R3HDM1: variants seen among roughly 807,000 people sequenced by gnomAD.
R3HDM1 encodes R3H domain-containing protein 1.
A neutral mutation model predicts 141.1 loss-of-function variants in R3HDM1; 46 were observed. That is an observed-to-expected ratio of 0.33 (90% CI 0.26 to 0.42). The LOEUF (loss-of-function observed/expected upper bound fraction) is 0.42. R3HDM1 is among the 10% of genes least tolerant of loss of function. R3HDM1 has a pLI of 1.00. For synonymous variants in R3HDM1, 435 were observed against 472.9 expected (o/e 0.92, Z 1.04); for missense variants, 1,184 against 1,368.3 (o/e 0.87, Z 2.12).
intron 3 of R3HDM1, among the ~76,000 whole-genome samples, chr2:135,614,255 C>A (rs902806744): frequency 1.3e-5 from 2 of 152,160 alleles, no homozygotes; most frequent in African/African-American, 4.8e-5. Flanking sequence ...TGAATATTCT[C>A]AAGCATTACG....
At chr2:135,668,723 A>C (rs1038698219) in intron 19 of R3HDM1, among the ~76,000 whole-genome samples, 3 of 152,232 alleles carry the variant, frequency 2.0e-5, no homozygotes, top group African/African-American at 7.2e-5. Context: ...CTCCTTGCAC[A>C]AAATGTGTCC....
chr2:135,617,137 C>T lies in R3HDM1; in HGVS notation c.303+380C>T, dbSNP rs1040678445. Among the ~76,000 whole-genome samples, 26 of 152,188 alleles carry T rather than the reference C, an allele frequency of 1.7e-4. No individual in the cohort carries two copies. The East Asian group carries it at 4.8e-3, about 28-fold the overall frequency. On this transcript the variant is annotated intron_variant, in intron 5 of 26. Transcript: ENST00000683871. ...AGGAGATCGAGACCATCCTGGCTAACACGGTGAAACCCCATCTCTACTAAA... is the reference window on the plus strand; with the variant it reads ...AGGAGATCGAGACCATCCTGGCTAATACGGTGAAACCCCATCTCTACTAAA...
intron 24 of R3HDM1, among the ~76,000 whole-genome samples, chr2:135,720,634 C>T (rs1049282465): frequency 1.3e-5 from 2 of 152,072 alleles, no homozygotes; most frequent in Non-Finnish European, 2.9e-5. Flanking sequence ...GGAATACTTA[C>T]GAATAATGAC....
chr2:135,610,689 A>G (rs2060458435), intron 3 of R3HDM1, among the ~76,000 whole-genome samples: 1 of 152,260 alleles, frequency 6.6e-6, no homozygotes, highest in African/African-American at 2.4e-5. Flanking sequence ...AGTATTGATG[A>G]AACAATTAAC....
At chr2:135,563,370 T>C (rs1438465105) in intron 1 of R3HDM1, among the ~76,000 whole-genome samples, 5 of 152,346 alleles carry the variant, frequency 3.3e-5, no homozygotes, top group South Asian at 2.1e-4. Flanking sequence ...TGTGTACATA[T>C]CTTGTTCCAT....
chr2:135,575,481 C>T lies in R3HDM1; in HGVS notation c.-249-27019C>T, dbSNP rs548606923. 2.2e-4 allele frequency among the ~76,000 whole-genome samples: 33 copies of T among 152,280 alleles called. No individual in the cohort carries two copies. In the South Asian group the frequency reaches 5.8e-3, roughly 27 times the overall value. Reference sequence around the variant, plus strand: ...ACAGGCGTGAGCCAACATGCCCGGCCCAACCCAAACATTTTTGATAAGGGA... The same window carrying T: ...ACAGGCGTGAGCCAACATGCCCGGCTCAACCCAAACATTTTTGATAAGGGA... On this transcript the variant is annotated intron_variant, in intron 1 of 26. Transcript: ENST00000683871.
intron 19 of R3HDM1, chr2:135,670,214 A>G (rs2068137494): frequency 1.7e-6 from 1 of 600,208 alleles, no homozygotes; most frequent in East Asian, 1.4e-4. Context: ...TATATTTTAA[A>G]TGAAAATTTA....
chr2:135,632,102 T>C, intron 9 of R3HDM1, 101 bp downstream of exon 9: 1 of 1,033,810 alleles, frequency 9.7e-7, no homozygotes, highest in Non-Finnish European at 1.3e-6. Flanking sequence ...GTTTTAACAG[T>C]CTAATTAAGT....
chr2:135,539,239 A>G (rs1279170175), intron 1 of R3HDM1, among the ~76,000 whole-genome samples: 2 of 152,206 alleles, frequency 1.3e-5, no homozygotes, highest in Non-Finnish European at 2.9e-5. Context: ...TAGTAAATGC[A>G]TAAATCAGTA....
At chr2:135,723,805 A>AAAAAAG (rs2076941428) in intron 26 of R3HDM1, 132 bp from the exon 27 acceptor site, 1 of 403,944 alleles carries the variant, frequency 2.5e-6, no homozygotes, top group East Asian at 4.7e-5. Context: ...AAAAAAAAAA[A>AAAAAAG]GATGGCCCTA....
At chr2:135,623,586 T>C (rs1395227537) in intron 7 of R3HDM1, among the ~76,000 whole-genome samples, 1 of 152,182 alleles carries the variant, frequency 6.6e-6, no homozygotes, top group African/African-American at 2.4e-5. Flanking sequence ...GTGGTCTCTA[T>C]AATAGGAGCT....
intron 1 of R3HDM1, among the ~76,000 whole-genome samples, chr2:135,572,794 G>T (rs540563729): frequency 6.6e-6 from 1 of 152,340 alleles, no homozygotes; most frequent in Admixed American, 6.5e-5. Flanking sequence ...AACAAAATGT[G>T]TATCCATGAA....
In R3HDM1 at chr2:135,641,524, C is replaced by T. The variant is rs1202274684; in HGVS notation, c.1220-12C>T. On this transcript the variant is annotated splice_polypyrimidine_tract_variant and intron_variant, in intron 14 of 26. Transcript: ENST00000683871. ...TTTAAAAAATCCATATTTTTCATTA[C>T]TCCTCTTCTAGGTTCTGAGTCTTCT... 2.5e-6 allele frequency: 4 copies of T among 1,578,774 alleles called. No individual in the cohort carries two copies. Among genetic ancestry groups the T allele is most frequent in the Admixed American group, 2.0e-5 (1 of 49,590 alleles).
intron 5 of R3HDM1, 114 bp from the exon 6 acceptor site, chr2:135,621,380 G>T: frequency 1.8e-6 from 1 of 553,074 alleles, no homozygotes; most frequent in African/African-American, 1.9e-5. Flanking sequence ...ATCCAGTTGG[G>T]TAAAATAATC....
chr2:135,673,483 T>C (rs2068706803), intron 19 of R3HDM1, among the ~76,000 whole-genome samples: 2 of 152,244 alleles, frequency 1.3e-5, no homozygotes, highest in African/African-American at 4.8e-5. Flanking sequence ...AAATTTGAAA[T>C]ACTTGTCATT....
chr2:135,541,223 CAG>C (rs1376119801), intron 1 of R3HDM1, among the ~76,000 whole-genome samples: 7 of 151,606 alleles, frequency 4.6e-5, no homozygotes, highest in Non-Finnish European at 7.4e-5. Context: ...TTTTTGGAGA[CAG>C]AGTCTTGCTC....
intron 1 of R3HDM1, among the ~76,000 whole-genome samples, chr2:135,533,607 G>A (rs1457326152): frequency 2.0e-5 from 3 of 152,230 alleles, no homozygotes; most frequent in South Asian, 2.1e-4. Context: ...GTGGCCGGGC[G>A]CGTTGGCGCA....
intron 21 of R3HDM1, among the ~76,000 whole-genome samples, chr2:135,684,851 C>G (rs565865110): frequency 7.2e-5 from 11 of 151,936 alleles, no homozygotes; most frequent in Non-Finnish European, 1.0e-4. Context: ...CAACCTTCTC[C>G]TACCAGGCTC....
intron 24 of R3HDM1, among the ~76,000 whole-genome samples, chr2:135,716,091 C>T (rs2076131610): frequency 1.3e-5 from 2 of 152,162 alleles, no homozygotes; most frequent in Admixed American, 6.6e-5. Flanking sequence ...CTTTGGGAGG[C>T]CAATGCGGAA....
Sources: gnomAD v4.1 joint callset for allele counts (sites outside exome capture counted in the v4.1 genomes callset) on GRCh38, gnomAD v4.1.1 for gene constraint, MANE v1.5 for transcripts, NCBI Gene and HGNC (gene_info 2026-07-23, HGNC 2026-07-21) for gene names.